MACROD2: variants seen among roughly 807,000 people sequenced by gnomAD.
MACROD2 encodes mono-ADP ribosylhydrolase 2.
MACROD2 carries 36 observed loss-of-function variants against 70.4 expected under a neutral mutation model. The observed-to-expected ratio is 0.51, with a 90% CI of 0.39 to 0.68. MACROD2 has a LOEUF of 0.68. Among genes scored for constraint, MACROD2 ranks in the 30% least tolerant of loss-of-function variants. The probability of loss-of-function intolerance (pLI) is 0.00; values close to 1 mark genes in which losing one functional copy is unlikely to be tolerated. For missense variants in MACROD2, 496 were observed against 538.4 expected (o/e 0.92, Z 0.78); for synonymous variants, 172 against 178.8 (o/e 0.96, Z 0.30).
intron 12 of MACROD2, among the ~76,000 whole-genome samples, chr20:15,949,946 T>A (rs1294648037): frequency 6.6e-6 from 1 of 152,200 alleles, no homozygotes; most frequent in Non-Finnish European, 1.5e-5. Flanking sequence ...ATAATATCTC[T>A]GACTCATATT....
At chr20:15,408,572 G>A (rs67546157) in intron 6 of MACROD2, among the ~76,000 whole-genome samples, 24,813 of 152,200 alleles carry the variant, frequency 0.16, 2,443 homozygotes, top group South Asian at 0.34. Context: ...GTGAATCGGA[G>A]CAAAGTCCTC....
chr20:14,495,150 C>T (rs408945), intron 4 of MACROD2, among the ~76,000 whole-genome samples: 9 of 151,856 alleles, frequency 5.9e-5, no homozygotes, highest in South Asian at 2.1e-4. Context: ...TTAAAATCCA[C>T]AATAACAGTA....
At chr20:15,426,475 G>T (rs1165008721) in intron 6 of MACROD2, among the ~76,000 whole-genome samples, 2 of 152,080 alleles carry the variant, frequency 1.3e-5, no homozygotes, top group South Asian at 2.1e-4. Flanking sequence ...CTCCTGAGTA[G>T]CTGGGACTAC....
rs753673265 is a variant in MACROD2 at position 14,720,536 on chromosome 20, C to CTTTTTTTTTT, written c.418+35602_418+35611dup. Among the ~76,000 whole-genome samples the CTTTTTTTTTT allele has an allele frequency of 5.4e-3, 194 of 35,944 alleles. 46 individuals are homozygous for CTTTTTTTTTT. Among genetic ancestry groups the CTTTTTTTTTT allele is most frequent in the East Asian group, 0.016 (12 of 742 alleles). The allele number at this position is 35,944 out of a possible 152,430, so 23.6% of individuals were successfully genotyped here. A position where few individuals can be genotyped will look rare whatever the true frequency, so the allele number is the denominator to read the frequency against. ...GTTTCATTTCCCAGCTGCCCCACAA[C>CTTTTTTTTTT]TTTTTTTTTTTTTTTTTTTTTTTTT... On this transcript the variant is annotated intron_variant, in intron 5 of 17. Coordinates refer to ENST00000684519, the MANE Select transcript of MACROD2 (RefSeq NM_001351661.2).
intron 6 of MACROD2, among the ~76,000 whole-genome samples, chr20:15,306,387 G>A (rs1450666113): frequency 2.0e-5 from 3 of 152,166 alleles, no homozygotes; most frequent in African/African-American, 7.2e-5. Flanking sequence ...CCATGCGCAT[G>A]CTAAATACTT....
intron 5 of MACROD2, among the ~76,000 whole-genome samples, chr20:14,695,880 T>C (rs2071119739): frequency 1.3e-5 from 2 of 152,174 alleles, no homozygotes; most frequent in African/African-American, 4.8e-5. Flanking sequence ...ATAATACATA[T>C]ATGTTTTTTT....
At chr20:14,809,109 AC>A (rs1282888717) in intron 5 of MACROD2, among the ~76,000 whole-genome samples, 5 of 152,100 alleles carry the variant, frequency 3.3e-5, no homozygotes, top group Admixed American at 3.3e-4. Flanking sequence ...AGAATTCTCC[AC>A]CCCAAATCAA....
intron 8 of MACROD2, among the ~76,000 whole-genome samples, chr20:15,606,536 C>A (rs185226435): frequency 6.6e-6 from 1 of 152,142 alleles, no homozygotes; most frequent in African/African-American, 2.4e-5. Flanking sequence ...CACATTAAAT[C>A]GTATGGTATT....
chr20:15,901,478 G>A (rs915704128), intron 10 of MACROD2, among the ~76,000 whole-genome samples: 3 of 152,152 alleles, frequency 2.0e-5, no homozygotes, highest in Non-Finnish European at 4.4e-5. Context: ...GCACCATCAC[G>A]ACGGTAAACA....
intron 7 of MACROD2, among the ~76,000 whole-genome samples, chr20:15,483,183 A>G (rs1479781282): frequency 6.6e-6 from 1 of 152,144 alleles, no homozygotes; most frequent in Non-Finnish European, 1.5e-5. Context: ...TAGGAGTTTT[A>G]TAGTTCCTTG....
intron 6 of MACROD2, among the ~76,000 whole-genome samples, chr20:15,303,080 C>G (rs1282319843): frequency 6.6e-6 from 1 of 152,086 alleles, no homozygotes; most frequent in African/African-American, 2.4e-5. Context: ...ATTCCTTTTT[C>G]CTTATTTAGT....
intron 8 of MACROD2, among the ~76,000 whole-genome samples, chr20:15,533,544 GCTCTCTCTCTCTCTCT>G (rs3071260): frequency 8.5e-5 from 12 of 141,168 alleles, no homozygotes; most frequent in Admixed American, 2.8e-4. Context: ...TGTCTCTGTC[GCTCTCTCTCTCTCTCT>G]CTCTCTCTCT....
At chr20:15,714,127 A>G (rs1405652334) in intron 8 of MACROD2, among the ~76,000 whole-genome samples, 2 of 152,138 alleles carry the variant, frequency 1.3e-5, no homozygotes, top group African/African-American at 4.8e-5. Flanking sequence ...TATGCACATT[A>G]AAAATAACCA....
At chr20:15,144,812 T>C (rs1268207220) in intron 5 of MACROD2, among the ~76,000 whole-genome samples, 1 of 152,168 alleles carries the variant, frequency 6.6e-6, no homozygotes, top group African/African-American at 2.4e-5. Context: ...GGAAAAGCGG[T>C]TGCTGTCCTG....
chr20:14,171,921 C>T (rs1021977209), intron 3 of MACROD2, among the ~76,000 whole-genome samples: 1 of 152,128 alleles, frequency 6.6e-6, no homozygotes, highest in African/African-American at 2.4e-5. Flanking sequence ...CTGTCTAGTG[C>T]TGTCAGTAGA....
At chr20:15,345,031 GCTCT>G (rs1031002154) in intron 6 of MACROD2, among the ~76,000 whole-genome samples, 1 of 152,166 alleles carries the variant, frequency 6.6e-6, no homozygotes, top group Non-Finnish European at 1.5e-5. Context: ...GTTGCAGACT[GCTCT>G]CTTGTATCAT....
chr20:15,246,238 G>C (rs73262740), intron 6 of MACROD2, among the ~76,000 whole-genome samples: 1 of 152,064 alleles, frequency 6.6e-6, no homozygotes. Context: ...TAGTGAATAG[G>C]GTGCTCATAC....
intron 4 of MACROD2, among the ~76,000 whole-genome samples, chr20:14,674,516 C>A (rs1019359121): frequency 3.3e-5 from 5 of 152,062 alleles, no homozygotes; most frequent in African/African-American, 1.2e-4. Context: ...TATGAGGGAT[C>A]CCATTTTAAA....
At chr20:15,264,527 T>A (rs2077275810) in intron 6 of MACROD2, among the ~76,000 whole-genome samples, 1 of 152,070 alleles carries the variant, frequency 6.6e-6, no homozygotes, top group Non-Finnish European at 1.5e-5. Context: ...TAAAAAGCAT[T>A]TTGAGCTACA....
Sources: allele counts gnomAD v4.1 joint callset (sites outside exome capture counted in the v4.1 genomes callset), GRCh38; gene constraint gnomAD v4.1.1; transcripts MANE v1.5; gene names NCBI Gene and HGNC (gene_info 2026-07-23, HGNC 2026-07-21).